Variants in SMG6 observed in about 807,000 individuals in gnomAD.
SMG6 encodes telomerase-binding protein EST1A.
SMG6 carries 66 observed loss-of-function variants against 142.2 expected under a neutral mutation model. The observed-to-expected ratio is 0.46, with a 90% CI of 0.38 to 0.57. SMG6 has a LOEUF of 0.57. SMG6 is among the 20% of genes least tolerant of loss of function. The pLI is 0.00. For missense variants in SMG6, 1,793 were observed against 1,832.0 expected (o/e 0.98, Z 0.39); for synonymous variants, 779 against 702.4 (o/e 1.11, Z -1.72).
intron 10 of SMG6, among the ~76,000 whole-genome samples, chr17:2,190,457 A>G (rs956978599): frequency 2.0e-5 from 3 of 152,200 alleles, no homozygotes; most frequent in Admixed American, 1.3e-4. Flanking sequence ...CTGGACAGGG[A>G]TAAGACAGGG....
intron 10 of SMG6, among the ~76,000 whole-genome samples, chr17:2,234,635 C>G (rs1276507864): frequency 6.6e-6 from 1 of 152,120 alleles, no homozygotes; most frequent in Admixed American, 6.6e-5. Flanking sequence ...ATTAAAAGGC[C>G]AAGGTATTCC....
chr17:2,097,351 G>C (rs982402206), intron 13 of SMG6, among the ~76,000 whole-genome samples: 15 of 151,964 alleles, frequency 9.9e-5, no homozygotes, highest in Non-Finnish European at 2.1e-4. Context: ...GGCATGGCTG[G>C]TCTTGAACTC....
intron 15 of SMG6, among the ~76,000 whole-genome samples, chr17:2,070,187 C>T (rs2068062182): frequency 6.6e-6 from 1 of 152,230 alleles, no homozygotes; most frequent in South Asian, 2.1e-4. Context: ...ATTTTCTTCT[C>T]TGACAGCCTT....
At chr17:2,080,897 A>T (rs1247506384) in intron 15 of SMG6, among the ~76,000 whole-genome samples, 1 of 152,144 alleles carries the variant, frequency 6.6e-6, no homozygotes, top group Non-Finnish European at 1.5e-5. Context: ...AGCCTCCCAA[A>T]GTGCTGGGAT....
intron 18 of SMG6, among the ~76,000 whole-genome samples, chr17:2,064,713 C>T (rs1288848485): frequency 1.3e-5 from 2 of 152,016 alleles, no homozygotes; most frequent in Non-Finnish European, 2.9e-5. Context: ...GGGCTGGGCT[C>T]GGGAGACCAT....
intron 13 of SMG6, among the ~76,000 whole-genome samples, chr17:2,158,728 G>A (rs1273662248): frequency 6.6e-6 from 1 of 151,986 alleles, no homozygotes; most frequent in East Asian, 1.9e-4. Flanking sequence ...ACCAGCCTGG[G>A]CAACATGGCG....
At chr17:2,080,916 T>C (rs1377807357) in intron 15 of SMG6, among the ~76,000 whole-genome samples, 1 of 152,178 alleles carries the variant, frequency 6.6e-6, no homozygotes, top group East Asian at 1.9e-4. Context: ...ATGACAGGCG[T>C]GAGCCACCGC....
chr17:2,067,377 C>T (rs557109107), intron 16 of SMG6, among the ~76,000 whole-genome samples: 12 of 152,300 alleles, frequency 7.9e-5, no homozygotes, highest in African/African-American at 2.4e-4. Context: ...AGGCACCTTA[C>T]GGCTCTTAGG....
At chr17:2,253,162 G>T (rs928747112) in intron 8 of SMG6, among the ~76,000 whole-genome samples, 1 of 90,414 alleles carries the variant, frequency 1.1e-5, no homozygotes, top group Non-Finnish European at 2.6e-5. Flanking sequence ...TTTATTTTGA[G>T]ATGGAGTCTC....
intron 13 of SMG6, among the ~76,000 whole-genome samples, chr17:2,129,128 G>A (rs373452476): frequency 2.6e-5 from 4 of 151,930 alleles, no homozygotes; most frequent in African/African-American, 7.2e-5. Context: ...CAGGCGGATC[G>A]CTTGAGCCCA....
intron 13 of SMG6, chr17:2,087,635 G>C (rs1241188278): frequency 1.0e-6 from 1 of 996,978 alleles, no homozygotes; most frequent in Non-Finnish European, 1.2e-6. Context: ...AAGGAGAAGG[G>C]AAGCTTGTCT....
At chr17:2,091,440 G>A (rs532900193) in intron 13 of SMG6, among the ~76,000 whole-genome samples, 1 of 152,170 alleles carries the variant, frequency 6.6e-6, no homozygotes, top group Non-Finnish European at 1.5e-5. Flanking sequence ...TTGAGAAAGA[G>A]GCTCATGGGT....
chr17:2,196,179 C>A (rs2072318929), intron 10 of SMG6, among the ~76,000 whole-genome samples: 1 of 152,194 alleles, frequency 6.6e-6, no homozygotes, highest in Admixed American at 6.5e-5. Context: ...CCCAGCACTT[C>A]AGGAAGCTGA....
chr17:2,084,479 G>A (rs1016283497), intron 14 of SMG6, among the ~76,000 whole-genome samples: 2 of 152,146 alleles, frequency 1.3e-5, no homozygotes, highest in African/African-American at 4.8e-5. Context: ...GTGGGGTGGG[G>A]CTCTCCAGTT....
chr17:2,214,341 AC>A (rs2072949977), intron 10 of SMG6: 1 of 135,700 alleles, frequency 7.4e-6, no homozygotes. Context: ...CAATCTTCCT[AC>A]CTACCCCACT....
rs961320411 is a variant in SMG6, at chr17:2,146,314, C to T, written c.3357+26344G>A. Among the ~76,000 whole-genome samples the T allele has an allele frequency of 2.6e-5, 4 of 152,244 alleles. No homozygotes were observed. The East Asian group carries it at 5.8e-4, about 22-fold the overall frequency. On this transcript the variant is annotated intron_variant, in intron 13 of 18. Transcript: ENST00000263073. ...AAACAATGCTGAGCAGACTTTGTGA[C>T]CATTTTCAGGGAAAAACCAAGTCAG...
chr17:2,282,533 T>A (rs9899330), intron 8 of SMG6, 114 bp downstream of exon 8: 174,022 of 954,336 alleles, frequency 0.18, 17,736 homozygotes, highest in Middle Eastern at 0.23. Context: ...GAGCCTCAAG[T>A]GGTTTGTCTT....
intron 8 of SMG6, among the ~76,000 whole-genome samples, chr17:2,264,681 C>T (rs1443887343): frequency 2.0e-5 from 3 of 152,090 alleles, no homozygotes; most frequent in Non-Finnish European, 4.4e-5. Flanking sequence ...GTGGGTGGAT[C>T]GCTTGAGCCC....
chr17:2,243,748 T>G (rs1164243054), intron 9 of SMG6, among the ~76,000 whole-genome samples: 1 of 152,142 alleles, frequency 6.6e-6, no homozygotes, highest in Admixed American at 6.6e-5. Flanking sequence ...AGGGAAACAT[T>G]GACAATAACT....
Sources: allele counts gnomAD v4.1 joint callset (sites outside exome capture counted in the v4.1 genomes callset), GRCh38; gene constraint gnomAD v4.1.1; transcripts MANE v1.5; gene names NCBI Gene and HGNC (gene_info 2026-07-23, HGNC 2026-07-21).